AMD1: variants seen among roughly 807,000 people sequenced by gnomAD.
AMD1 encodes adenosylmethionine decarboxylase 1, also known as S-adenosylmethionine decarboxylase proenzyme.
Under a neutral mutation model 40.2 loss-of-function variants are expected in AMD1, and 11 were observed. The ratio of observed to expected loss-of-function variants is 0.27; its 90% CI spans 0.17 to 0.45. AMD1 has a LOEUF of 0.45. AMD1 is among the 20% of genes least tolerant of loss of function. AMD1 has a pLI of 1.00. For synonymous variants in AMD1, 121 were observed against 130.8 expected, an observed-to-expected ratio of 0.93 and a Z score of 0.51; for missense variants, 257 against 410.2, an observed-to-expected ratio of 0.63 and a Z score of 3.23.
the AMD1 span, chr6:110,814,992 C>G: frequency 6.2e-7 from 1 of 1,602,308 alleles, no homozygotes; most frequent in Non-Finnish European, 8.5e-7. Context: ...GCCTACTCCT[C>G]CCGCCCCTGC....
chr6:110,855,556 T>C, the AMD1 span, among the ~76,000 whole-genome samples: 2 of 152,148 alleles, frequency 1.3e-5, no homozygotes. Flanking sequence ...AACCCCTGAA[T>C]TCCTGCATCT....
the AMD1 span, chr6:110,864,298 AGTAAATAAAGCTTTT>A: frequency 6.6e-6 from 1 of 152,580 alleles, no homozygotes; most frequent in Non-Finnish European, 1.5e-5. Flanking sequence ...AAAAATTAAG[AGTAAATAAAGCTTTT>A]GTAAATATAC....
chr6:110,843,873 C>G, the AMD1 span, among the ~76,000 whole-genome samples: 1 of 152,134 alleles, frequency 6.6e-6, no homozygotes, highest in Non-Finnish European at 1.5e-5. Flanking sequence ...CAGGTGTGAG[C>G]CACGGAGCTC....
chr6:110,875,304 C>T (rs2115266146), intron 1 of AMD1, 89 bp downstream of exon 1: 4 of 1,106,944 alleles, frequency 3.6e-6, no homozygotes, highest in Non-Finnish European at 4.0e-6. Flanking sequence ...CGAGTTCCCT[C>T]AGCTTTCAGT....
At position 110,874,976 on chromosome 6, in the gene AMD1, A is replaced by AC; in HGVS notation, c.-130_-129insC. On this transcript the variant is annotated 5_prime_UTR_variant, in exon 1 of 9. Transcript: ENST00000368885. ...AAAAAAGTTAATATAAAATTATAGC[A>AC]AAAAAAAAAAGGAACCTGAACTTTA... 4.7e-6 allele frequency: 1 copy of AC among 211,380 alleles called. No homozygotes were observed. Among genetic ancestry groups the AC allele is most frequent in the South Asian group, 1.2e-4 (1 of 8,284 alleles). 13.1% of individuals were successfully genotyped at this position (211,380 alleles called of 1,614,324 possible).
upstream of AMD1, among the ~76,000 whole-genome samples, chr6:110,872,734 A>G (rs1326565318): frequency 6.6e-6 from 1 of 152,230 alleles, no homozygotes; most frequent in African/African-American, 2.4e-5. Context: ...TTGGTAGACT[A>G]TTTAAATTAT....
chr6:110,835,235 G>A, the AMD1 span, among the ~76,000 whole-genome samples: 1 of 150,896 alleles, frequency 6.6e-6, no homozygotes, highest in Admixed American at 6.6e-5. Context: ...AGCCAGGATG[G>A]TCTCAATCTC....
chr6:110,879,991 A>C (rs1410803714), intron 1 of AMD1, among the ~76,000 whole-genome samples: 2 of 151,018 alleles, frequency 1.3e-5, no homozygotes, highest in Middle Eastern at 3.4e-3. Flanking sequence ...GGACAGTCTC[A>C]GTCACCCAGG....
intron 6 of AMD1, 139 bp from the exon 7 acceptor site, chr6:110,892,596 G>A (rs1312827874): frequency 2.2e-5 from 31 of 1,383,334 alleles, no homozygotes; most frequent in African/African-American, 1.0e-4. Flanking sequence ...ACAGTATTTC[G>A]TCACCCAGGT....
the AMD1 span, among the ~76,000 whole-genome samples, chr6:110,842,085 G>A: frequency 6.6e-6 from 1 of 152,134 alleles, no homozygotes; most frequent in Non-Finnish European, 1.5e-5. Context: ...TTATATGCAT[G>A]AGCCATCTAG....
chr6:110,861,439 A>C, the AMD1 span, among the ~76,000 whole-genome samples: 2 of 141,202 alleles, frequency 1.4e-5, no homozygotes, highest in Admixed American at 1.4e-4. Context: ...TGGGAGGATC[A>C]CTTGAACCCA....
chr6:110,893,174 T>A (rs751829814), intron 8 of AMD1, 109 bp downstream of exon 8: 2 of 1,035,704 alleles, frequency 1.9e-6, no homozygotes, highest in Non-Finnish European at 2.8e-6. Context: ...TACCAGCCAC[T>A]CAGATATCCA....
At chr6:110,890,815 G>C (rs939329679) in intron 4 of AMD1, 3 of 152,384 alleles carry the variant, frequency 2.0e-5, no homozygotes, top group Admixed American at 6.5e-5. Flanking sequence ...TAGATGTTTT[G>C]GGAGTACAGT....
rs749670133 is a variant in AMD1, at chr6:110,893,593, A to C, written c.982A>C (p.Lys328Gln). 2.0e-5 allele frequency: 33 copies of C among 1,613,778 alleles called. No individual in the cohort carries two copies. Among genetic ancestry groups the C allele is most frequent in the East Asian group, 4.5e-5 (2 of 44,898 alleles). ...TTTTGTTTTTACCAGTTTTGCTAAG[A>C]AGCAGCAACAACAGCAGAGTTGATT... is the stretch of plus-strand genomic sequence containing the variant. ...YNFVFTSFAKKQQQQQS is the reference protein window; with the variant it reads ...YNFVFTSFAKQQQQQQS The change falls in exon 9 of 9, where the codon AAG becomes CAG. Residue 328 changes from lysine (K) to glutamine (Q), a missense_variant. Lys to Gln is a moderately conservative substitution (Grantham distance 53, BLOSUM62 1). Around this residue, in one of 3 missense-constraint regions of AMD1, gnomAD observed 192 missense variants for 296.5 expected, o/e 0.65. Transcript: ENST00000368885.
chr6:110,862,323 T>G, the AMD1 span, among the ~76,000 whole-genome samples: 9 of 150,592 alleles, frequency 6.0e-5, no homozygotes, highest in African/African-American at 1.9e-4. Flanking sequence ...TTTTGTGTGA[T>G]TGTTCTGTTT....
chr6:110,871,787 G>T (rs533258482), upstream of AMD1, among the ~76,000 whole-genome samples: 1 of 152,268 alleles, frequency 6.6e-6, no homozygotes, highest in South Asian at 2.1e-4. Context: ...TGTCTCAAAG[G>T]TTTGAAATTC....
At chr6:110,832,076 G>C in the AMD1 span, among the ~76,000 whole-genome samples, 1 of 149,540 alleles carries the variant, frequency 6.7e-6, no homozygotes, top group African/African-American at 2.5e-5. Flanking sequence ...GCAGTGGCAG[G>C]ATCTCGGCTC....
At chr6:110,850,327 T>C in the AMD1 span, among the ~76,000 whole-genome samples, 1 of 152,182 alleles carries the variant, frequency 6.6e-6, no homozygotes, top group Non-Finnish European at 1.5e-5. Context: ...TTGGGAATAT[T>C]TGGGGGGACT....
chr6:110,869,379 G>A, the AMD1 span, among the ~76,000 whole-genome samples: 3 of 152,034 alleles, frequency 2.0e-5, no homozygotes, highest in South Asian at 2.1e-4. Context: ...TGATCCGCCC[G>A]CCTCGGCCTC....
Sources: allele counts gnomAD v4.1 joint callset (sites outside exome capture counted in the v4.1 genomes callset), GRCh38; gene constraint gnomAD v4.1.1; regional missense constraint gnomAD v4.1.1; transcripts MANE v1.5; gene names NCBI Gene and HGNC (gene_info 2026-07-23, HGNC 2026-07-21).